TMEM126A: variants seen among roughly 807,000 people sequenced by gnomAD.
The protein encoded by TMEM126A is transmembrane protein 126A.
In TMEM126A, 10 loss-of-function variants were observed where a neutral mutation model predicts 18.3. That is an observed-to-expected ratio of 0.55 (90% CI 0.34 to 0.93). TMEM126A has a LOEUF of 0.93. TMEM126A is among the 40% of genes least tolerant of loss of function. The probability of loss-of-function intolerance (pLI) is 0.02; values close to 1 mark genes in which losing one functional copy is unlikely to be tolerated. For missense variants in TMEM126A, 246 were observed against 230.2 expected (o/e 1.07, Z -0.44); for synonymous variants, 68 against 78.1 (o/e 0.87, Z 0.68).
At chr11:85,651,739 C>T (rs1459154656) in intron 2 of TMEM126A, among the ~76,000 whole-genome samples, 3 of 152,120 alleles carry the variant, frequency 2.0e-5, no homozygotes, top group Non-Finnish European at 4.4e-5. Flanking sequence ...CTCTTTCACC[C>T]CCCCTCCCCA....
At chr11:85,655,920 T>A (rs1443319269) in intron 4 of TMEM126A, among the ~76,000 whole-genome samples, 3 of 152,176 alleles carry the variant, frequency 2.0e-5, no homozygotes, top group Non-Finnish European at 4.4e-5. Context: ...CTATTAACCT[T>A]AATTTGTGTA....
chr11:85,649,060 G>A (rs375427166), intron 1 of TMEM126A, among the ~76,000 whole-genome samples: 272 of 150,558 alleles, frequency 1.8e-3, no homozygotes, highest in Admixed American at 3.1e-3. Context: ...TCAGCCTCCC[G>A]AGTAGCTGGG....
intron 2 of TMEM126A, among the ~76,000 whole-genome samples, chr11:85,650,807 C>T (rs1433414659): frequency 1.3e-5 from 2 of 152,094 alleles, no homozygotes; most frequent in South Asian, 2.1e-4. Flanking sequence ...TGGTGGCTCA[C>T]GCCAGTAATC....
chr11:85,649,075 C>T (rs1431870994), intron 1 of TMEM126A, among the ~76,000 whole-genome samples: 1 of 152,006 alleles, frequency 6.6e-6, no homozygotes, highest in Admixed American at 6.6e-5. Flanking sequence ...GCTGGGATTA[C>T]AGGCAGCTGC....
chr11:85,652,946 C>CA (rs58948603), intron 2 of TMEM126A, among the ~76,000 whole-genome samples: 4,740 of 146,794 alleles, frequency 0.032, 96 homozygotes, highest in Admixed American at 0.064. Flanking sequence ...CCAACCCCCA[C>CA]AAAAAAAAAA....
chr11:85,650,802 GC>G (rs1338959965), intron 2 of TMEM126A, among the ~76,000 whole-genome samples: 2 of 152,206 alleles, frequency 1.3e-5, no homozygotes, highest in Non-Finnish European at 2.9e-5. Context: ...AGGCATGGTG[GC>G]TCACGCCAGT....
chr11:85,652,224 CA>C (rs1351067059), intron 2 of TMEM126A, among the ~76,000 whole-genome samples: 5 of 152,172 alleles, frequency 3.3e-5, no homozygotes, highest in South Asian at 2.1e-4. Flanking sequence ...GGTTCTTTAC[CA>C]AATTAGAAAG....
Position 85,654,105 on chromosome 11 carries a change from T to C in TMEM126A, c.129T>C (p.Ala43=). ...ENGSVYVGLN[A]ALCGLIANSL... is the part of the protein sequence containing the mutation. The stretch of plus-strand genomic sequence containing the variant: ...GATCGGTTTATGTTGGATTAAATGC[T>C]GCTCTTTGTGGCCTCATAGCAAACA... Residue 43 remains alanine, a synonymous_variant, in exon 3 of 5, where the codon GCT becomes GCC. Transcript: ENST00000304511. 1.2e-6 allele frequency: 2 copies of C among 1,614,232 alleles called. No individual in the cohort carries two copies. Among genetic ancestry groups the C allele is most frequent in the South Asian group, 2.2e-5 (2 of 91,088 alleles).
chr11:85,652,330 T>A (rs1417888528), intron 2 of TMEM126A, among the ~76,000 whole-genome samples: 2 of 152,264 alleles, frequency 1.3e-5, no homozygotes, highest in Non-Finnish European at 2.9e-5. Context: ...TCCTGTTATC[T>A]TTGCCTTGTT....
At chr11:85,649,538 G>C (rs1471754498) in intron 1 of TMEM126A, among the ~76,000 whole-genome samples, 1 of 152,204 alleles carries the variant, frequency 6.6e-6, no homozygotes, top group Non-Finnish European at 1.5e-5. Context: ...GAAATTGCTA[G>C]CTATGTGTGT....
At chr11:85,649,300 A>G (rs1379795897) in intron 1 of TMEM126A, among the ~76,000 whole-genome samples, 1 of 151,986 alleles carries the variant, frequency 6.6e-6, no homozygotes, top group East Asian at 1.9e-4. Context: ...TTCCCTTCAC[A>G]TTTTCACCCT....
chr11:85,655,739 GA>G lies in TMEM126A; in HGVS notation c.395+32del, dbSNP rs1394921769. ...AAATAAAAAACTTTTTATAATATGT[GA>G]TTACCTATAAAACTCACAACTTAAA... On this transcript the variant is annotated intron_variant, in intron 4 of 4. Coordinates refer to ENST00000304511, the MANE Select transcript of TMEM126A (RefSeq NM_032273.4). 2.1e-6 allele frequency: 3 copies of G among 1,454,006 alleles called. No homozygotes were observed. In the African/African-American group the frequency reaches 4.2e-5, roughly 20 times the overall value. 90.1% of individuals were successfully genotyped at this position (1,454,006 alleles called of 1,614,324 possible). A position where few individuals can be genotyped will look rare whatever the true frequency, so the allele number is the denominator to read the frequency against.
intron 3 of TMEM126A, among the ~76,000 whole-genome samples, chr11:85,654,794 T>G (rs1427760152): frequency 6.6e-6 from 1 of 151,670 alleles, no homozygotes; most frequent in Non-Finnish European, 1.5e-5. Flanking sequence ...CAGTGCTCAT[T>G]TAGAGTAAGA....
At position 85,650,233 on chromosome 11, in the gene TMEM126A, C is replaced by A. The variant is rs2082488732; in HGVS notation, c.-7-16C>A. On this transcript the variant is annotated splice_polypyrimidine_tract_variant and intron_variant, in intron 1 of 4. Coordinates refer to ENST00000304511, the MANE Select transcript of TMEM126A (RefSeq NM_032273.4). ...TGTATAAATTCTTGAGAAATGATAT[C>A]TTCATGTTTTTTAAGGCTCAAAATG... 2 of 1,468,884 alleles carry A rather than the reference C, an allele frequency of 1.4e-6. No individual in the cohort carries two copies. Among genetic ancestry groups the A allele is most frequent in the Non-Finnish European group, 1.9e-6 (2 of 1,054,644 alleles). 91.0% of individuals were successfully genotyped at this position (1,468,884 alleles called of 1,614,324 possible). A position where few individuals can be genotyped will look rare whatever the true frequency, so the allele number is the denominator to read the frequency against.
chr11:85,655,729 T>C, intron 4 of TMEM126A, 21 bp downstream of exon 4: 2 of 1,530,140 alleles, frequency 1.3e-6, no homozygotes, highest in Non-Finnish European at 1.8e-6. Context: ...AAAAACTTTT[T>C]ATAATATGTG....
At chr11:85,651,747 C>A (rs1396300905) in intron 2 of TMEM126A, among the ~76,000 whole-genome samples, 1 of 152,134 alleles carries the variant, frequency 6.6e-6, no homozygotes, top group Non-Finnish European at 1.5e-5. Context: ...CCCCCCCTCC[C>A]CACACTCCAA....
At chr11:85,652,096 G>A (rs180994750) in intron 2 of TMEM126A, among the ~76,000 whole-genome samples, 10 of 152,296 alleles carry the variant, frequency 6.6e-5, no homozygotes, top group African/African-American at 9.6e-5. Context: ...CCTGGGAGGC[G>A]GATGTTGCAT....
chr11:85,654,330 AAT>A (rs1387419656), intron 3 of TMEM126A, 74 bp downstream of exon 3: 2 of 1,386,118 alleles, frequency 1.4e-6, no homozygotes, highest in Non-Finnish European at 2.0e-6. Context: ...CATACTTATT[AAT>A]ATCAAGTAGC....
In TMEM126A at chr11:85,655,724, C is replaced by A. The variant is rs775701596; in HGVS notation, c.395+16C>A. 10 of 1,555,224 alleles carry A rather than the reference C, an allele frequency of 6.4e-6. No individual in the cohort carries two copies. In the South Asian group the frequency reaches 1.0e-4, roughly 16 times the overall value. On this transcript the variant is annotated intron_variant, in intron 4 of 4. Coordinates refer to ENST00000304511, the MANE Select transcript of TMEM126A (RefSeq NM_032273.4). ...TAGCAGCCAGGTAGGAAATAAAAAA[C>A]TTTTTATAATATGTGATTACCTATA...
Sources: gnomAD v4.1 joint callset for allele counts (sites outside exome capture counted in the v4.1 genomes callset) on GRCh38, gnomAD v4.1.1 for gene constraint, MANE v1.5 for transcripts, NCBI Gene and HGNC (gene_info 2026-07-23, HGNC 2026-07-21) for gene names.